Variants in STON1 observed in about 807,000 individuals in gnomAD.
STON1 encodes stonin-1.
In STON1, 79 loss-of-function variants were observed where a neutral mutation model predicts 60.9. The ratio of observed to expected loss-of-function variants is 1.30; its 90% confidence interval spans 1.08 to 1.56. The LOEUF is 1.56. STON1 is among the 40% of genes most tolerant of loss of function. The pLI is 0.00. For synonymous variants in STON1, 363 were observed against 306.9 expected, an observed-to-expected ratio of 1.18 and a Z score of -1.91; for missense variants, 1,166 against 858.9, an observed-to-expected ratio of 1.36 and a Z score of -4.47.
At position 48,597,122 on chromosome 2, in the gene STON1, G is replaced by A. The variant is rs1290463351; in HGVS notation, c.*1820G>A. 2 of 152,174 alleles carry A rather than the reference G, an allele frequency of 1.3e-5. No individual in the cohort carries two copies. Among genetic ancestry groups the A allele is most frequent in the Admixed American group, 1.3e-4 (2 of 15,278 alleles). The allele number at this position is 152,174 out of a possible 1,614,324, so 9.4% of individuals were successfully genotyped here. On this transcript the variant is annotated 3_prime_UTR_variant, in exon 4 of 4. Coordinates refer to ENST00000404752, the MANE Select transcript of STON1 (RefSeq NM_006873.4). ...CCAGCCTCGGCCTCCCAAAGTTCTGGGATTAAATGCGTGAGCCACCATGCC... is the reference window on the plus strand; with the variant it reads ...CCAGCCTCGGCCTCCCAAAGTTCTGAGATTAAATGCGTGAGCCACCATGCC...
At chr2:48,584,212 T>C (rs1358859695) in intron 2 of STON1, among the ~76,000 whole-genome samples, 4 of 152,160 alleles carry the variant, frequency 2.6e-5, no homozygotes, top group African/African-American at 9.7e-5. Flanking sequence ...GGCTGTGGAC[T>C]TCAGAGGAAG....
intron 1 of STON1, chr2:48,531,995 C>T (rs947327990): frequency 1.3e-5 from 2 of 152,006 alleles, no homozygotes; most frequent in Middle Eastern, 3.4e-3. Context: ...TTGACAGTTC[C>T]CCATTGGTAT....
chr2:48,530,542 G>C (rs887670820), intron 1 of STON1: 1 of 155,124 alleles, frequency 6.4e-6, no homozygotes, highest in African/African-American at 2.4e-5. Flanking sequence ...GGGGGCCGGG[G>C]CTCGTTCTCA....
intron 1 of STON1, among the ~76,000 whole-genome samples, chr2:48,540,153 C>T (rs1339947903): frequency 6.6e-6 from 1 of 152,118 alleles, no homozygotes; most frequent in African/African-American, 2.4e-5. Flanking sequence ...TCTACTTTAT[C>T]TAGGTTTTAG....
intron 1 of STON1, among the ~76,000 whole-genome samples, chr2:48,549,687 C>T (rs1000469872): frequency 1.3e-5 from 2 of 151,834 alleles, no homozygotes; most frequent in African/African-American, 2.4e-5. Flanking sequence ...TGATGGGCTC[C>T]TGTAATCCCA....
In STON1 at chr2:48,564,605, T is replaced by TCCTCCTCCTC. The variant is rs1359171030; in HGVS notation, c.-47-15981_-47-15980insCTCCTCCTCC. 3.2e-5 allele frequency among the ~76,000 whole-genome samples: 2 copies of TCCTCCTCCTC among 61,632 alleles called. 1 individual carries two copies. Among genetic ancestry groups the TCCTCCTCCTC allele is most frequent in the Non-Finnish European group, 6.2e-5 (2 of 32,196 alleles). The allele number at this position is 61,632 out of a possible 152,430, so 40.4% of individuals were successfully genotyped here. A position where few individuals can be genotyped will look rare whatever the true frequency, so the allele number is the denominator to read the frequency against. Reference sequence around the variant, plus strand: ...TCCTCCTCCTCCTCCTCCTCCTCCTTCTCCTTCTCCTTCTCCTTCTCCTTC... The same window carrying TCCTCCTCCTC: ...TCCTCCTCCTCCTCCTCCTCCTCCTTCCTCCTCCTCCTCCTTCTCCTTCTCCTTCTCCTTC... On this transcript the variant is annotated intron_variant, in intron 1 of 3. Coordinates refer to ENST00000404752, the MANE Select transcript of STON1 (RefSeq NM_006873.4).
At chr2:48,537,878 A>G (rs1671493832) in intron 1 of STON1, among the ~76,000 whole-genome samples, 1 of 151,946 alleles carries the variant, frequency 6.6e-6, no homozygotes, top group East Asian at 1.9e-4. Context: ...AAAAAGGAAA[A>G]AAAAAGGAAA....
intron 1 of STON1, among the ~76,000 whole-genome samples, chr2:48,576,060 A>G (rs900847934): frequency 6.6e-6 from 1 of 150,566 alleles, no homozygotes; most frequent in African/African-American, 2.4e-5. Flanking sequence ...ACCTGGCCCT[A>G]TTTTTAATTT....
In STON1 at chr2:48,596,701, A is replaced by G. The variant is rs997812220; in HGVS notation, c.*1399A>G. On this transcript the variant is annotated 3_prime_UTR_variant, in exon 4 of 4. Coordinates refer to ENST00000404752, the MANE Select transcript of STON1 (RefSeq NM_006873.4). Reference sequence around the variant, plus strand: ...TTTTTAATATTTAATATTATATTACATTCATTGAAATCTGTTCAAAAACAG... The same window carrying G: ...TTTTTAATATTTAATATTATATTACGTTCATTGAAATCTGTTCAAAAACAG... The G allele has an allele frequency of 6.6e-5, 10 of 152,154 alleles. No homozygotes were observed. The highest frequency in any genetic ancestry group is 2.0e-4 in the Admixed American group (3 of 15,276). 9.4% of individuals were successfully genotyped at this position (152,154 alleles called of 1,614,324 possible).
rs1011070208 is a variant in STON1 at position 48,581,606 on chromosome 2, G to C, written c.973G>C (p.Asp325His). The change falls in exon 2 of 4, where the codon GAT (aspartate) becomes CAT (histidine). Residue 325 changes from aspartate (D) to histidine (H), a missense_variant. Physicochemically the swap from Asp to His is moderately conservative, Grantham distance 81. Transcript: ENST00000404752. Reference sequence around the variant, plus strand: ...AAAACCATTTAAAGAGATACAGCTTGATCCATATTGTAGGCTTTCTGAACC... The same window carrying C: ...AAAACCATTTAAAGAGATACAGCTTCATCCATATTGTAGGCTTTCTGAACC... ...LEKPFKEIQL[D>H]PYCRLSEPKV... is the part of the protein sequence containing the mutation. 2 of 1,614,218 alleles carry C rather than the reference G, an allele frequency of 1.2e-6. No individual in the cohort carries two copies. The highest frequency in any genetic ancestry group is 1.1e-5 in the South Asian group (1 of 91,080).
chr2:48,582,834 A>G (rs182041360), intron 2 of STON1, among the ~76,000 whole-genome samples: 46 of 152,350 alleles, frequency 3.0e-4, no homozygotes, highest in African/African-American at 1.1e-3. Context: ...GGCGGCACTA[A>G]GAGAAAATTC....
intron 1 of STON1, among the ~76,000 whole-genome samples, chr2:48,566,892 C>G (rs1672971279): frequency 6.6e-6 from 1 of 152,162 alleles, no homozygotes. Context: ...CAAGTCGTTA[C>G]AGGCTGAAGT....
intron 1 of STON1, among the ~76,000 whole-genome samples, chr2:48,575,452 G>A (rs576231386): frequency 1.4e-4 from 22 of 151,936 alleles, no homozygotes; most frequent in Admixed American, 3.3e-4. Context: ...TCGGGAGTTC[G>A]AAACCAGCCT....
chr2:48,563,722 G>A (rs895571063), intron 1 of STON1, among the ~76,000 whole-genome samples: 1 of 150,900 alleles, frequency 6.6e-6, no homozygotes, highest in Non-Finnish European at 1.5e-5. Context: ...TTGAGACGTG[G>A]TCTCACTGTG....
At chr2:48,557,139 G>A (rs1402669467) in intron 1 of STON1, among the ~76,000 whole-genome samples, 2 of 102,878 alleles carry the variant, frequency 1.9e-5, no homozygotes, top group Admixed American at 9.3e-5. Flanking sequence ...CTTCCCAGAT[G>A]GGGTGGCTGC....
At chr2:48,534,719 G>A (rs1358993364) in intron 1 of STON1, among the ~76,000 whole-genome samples, 1 of 152,106 alleles carries the variant, frequency 6.6e-6, no homozygotes. Flanking sequence ...GGAGATGGAG[G>A]CTTCAGTGAG....
intron 1 of STON1, among the ~76,000 whole-genome samples, chr2:48,576,601 A>G (rs1197027174): frequency 6.7e-6 from 1 of 150,102 alleles, no homozygotes; most frequent in African/African-American, 2.5e-5. Context: ...ATGATTAGTG[A>G]TGTTGAGCAT....
intron 3 of STON1, among the ~76,000 whole-genome samples, chr2:48,593,177 A>G (rs1214279449): frequency 6.6e-6 from 1 of 151,960 alleles, no homozygotes; most frequent in Non-Finnish European, 1.5e-5. Flanking sequence ...GTGCAGTGGC[A>G]TGGTCTCGGC....
chr2:48,537,775 G>A (rs1458291009), intron 1 of STON1, among the ~76,000 whole-genome samples: 1 of 151,142 alleles, frequency 6.6e-6, no homozygotes, highest in Admixed American at 6.6e-5. Context: ...ACTTGAACCC[G>A]GGAGGTGGAG....
Sources: gnomAD v4.1 joint callset for allele counts (sites outside exome capture counted in the v4.1 genomes callset) on GRCh38, gnomAD v4.1.1 for gene constraint, MANE v1.5 for transcripts, NCBI Gene and HGNC (gene_info 2026-07-23, HGNC 2026-07-21) for gene names.